Variants in PUDP observed in about 807,000 individuals in gnomAD.
PUDP encodes pseudouridine 5'-phosphatase.
A neutral mutation model predicts 9.4 loss-of-function variants in PUDP; 8 were observed. The observed-to-expected ratio is 0.85, with a 90% CI of 0.50 to 1.53. The LOEUF (loss-of-function observed/expected upper bound fraction) is 1.53. Ranked by LOEUF, PUDP falls within the 40% of genes most tolerant of loss-of-function variation. The pLI, the probability that PUDP is intolerant of heterozygous loss-of-function variation, is 0.00. For synonymous variants in PUDP, 99 were observed against 80.7 expected (o/e 1.23, Z -1.22); for missense variants, 188 against 189.7 (o/e 0.99, Z 0.05).
At chrX:6,916,927 T>C (rs1259043258) in intron 3 of PUDP, among the ~76,000 whole-genome samples, 1 of 112,357 alleles carries the variant, frequency 8.9e-6, no homozygotes, top group Non-Finnish European at 1.9e-5. Context: ...AATAAAATTA[T>C]CGTTTCTATA....
intron 3 of PUDP, among the ~76,000 whole-genome samples, chrX:7,062,459 A>G (rs772944003): frequency 8.9e-6 from 1 of 112,029 alleles, no homozygotes; most frequent in South Asian, 3.7e-4. Context: ...GTATGTAGCC[A>G]CTGGGAAATG....
intron 3 of PUDP, among the ~76,000 whole-genome samples, chrX:6,788,778 G>A (rs1309642312): frequency 8.9e-6 from 1 of 112,315 alleles, no homozygotes; most frequent in Non-Finnish European, 1.9e-5. Context: ...AAGTAAATAG[G>A]TATATTTTTA....
At chrX:6,948,519 G>A (rs1298313953) in intron 3 of PUDP, among the ~76,000 whole-genome samples, 1 of 111,976 alleles carries the variant, frequency 8.9e-6, no homozygotes, top group Non-Finnish European at 1.9e-5. Flanking sequence ...GGGGAGTTTT[G>A]TTAAAATTGT....
At chrX:6,918,469 A>C (rs930988771) in intron 3 of PUDP, among the ~76,000 whole-genome samples, 4 of 111,869 alleles carry the variant, frequency 3.6e-5, no homozygotes, top group African/African-American at 6.5e-5. Flanking sequence ...AAAAAAAAAA[A>C]CATAATTTAT....
At chrX:6,989,212 TTAAC>T (rs1273675583) in intron 1 of PUDP, 1 of 112,192 alleles carries the variant, frequency 8.9e-6, no homozygotes, top group Non-Finnish European at 1.9e-5. Context: ...GTGTAATTAT[TTAAC>T]TAACCACTGA....
chrX:6,952,785 A>T (rs1056469060), intron 3 of PUDP, among the ~76,000 whole-genome samples: 5 of 111,655 alleles, frequency 4.5e-5, no homozygotes, highest in African/African-American at 6.5e-5. Context: ...AGAAGGCACC[A>T]TTTATGAACC....
intron 3 of PUDP, among the ~76,000 whole-genome samples, chrX:6,829,440 C>T (rs1926472987): frequency 1.8e-5 from 2 of 111,403 alleles, no homozygotes; most frequent in South Asian, 3.8e-4. Context: ...GAGTATGTTT[C>T]GTTTTATAAG....
chrX:6,710,059 G>A (rs2146650436), intron 1 of PUDP, among the ~76,000 whole-genome samples: 1 of 112,056 alleles, frequency 8.9e-6, no homozygotes, highest in African/African-American at 3.2e-5. Flanking sequence ...GGAGGTGGAG[G>A]CTGCAGTGAG....
At chrX:6,871,203 C>T (rs1041132636) in intron 3 of PUDP, among the ~76,000 whole-genome samples, 5 of 111,466 alleles carry the variant, frequency 4.5e-5, no homozygotes, top group Admixed American at 2.9e-4. Flanking sequence ...CTCATGGAAT[C>T]AAGCTGAGGC....
chrX:7,138,653 G>A lies in PUDP; in HGVS notation c.61+9400C>T, dbSNP rs371969126. Among the ~76,000 whole-genome samples, 44 of 111,538 alleles carry A rather than the reference G, an allele frequency of 3.9e-4. 1 individual carries two copies. In the East Asian group the frequency reaches 5.1e-3, roughly 13 times the overall value. On this transcript the variant is annotated intron_variant, in intron 1 of 3. Transcript: ENST00000381077. ...CTCCCAAAGTGCTGGGATGATAGGC[G>A]TGAACCACTGTCCCCAGCCCCAGTC...
intron 3 of PUDP, among the ~76,000 whole-genome samples, chrX:6,965,994 T>C (rs1157042770): frequency 9.0e-6 from 1 of 110,777 alleles, no homozygotes; most frequent in Non-Finnish European, 1.9e-5. Context: ...ATTGAAACTG[T>C]ACCAGACAGG....
intron 1 of PUDP, among the ~76,000 whole-genome samples, chrX:7,015,493 A>T (rs1212247939): frequency 3.6e-5 from 4 of 111,839 alleles, no homozygotes; most frequent in Non-Finnish European, 7.5e-5. Flanking sequence ...AGGAAGGGCG[A>T]GAGGACCAAT....
At chrX:7,026,528 C>T (rs2090935310) in intron 1 of PUDP, among the ~76,000 whole-genome samples, 1 of 112,127 alleles carries the variant, frequency 8.9e-6, no homozygotes, top group Admixed American at 9.4e-5. Context: ...ATCCACCCAG[C>T]GTGCCTTTCT....
At chrX:6,892,116 A>G (rs897574560) in intron 3 of PUDP, among the ~76,000 whole-genome samples, 2 of 112,243 alleles carry the variant, frequency 1.8e-5, no homozygotes, top group Non-Finnish European at 3.8e-5. Context: ...TTTCAGATAA[A>G]CAACAAATGC....
chrX:6,850,119 A>G (rs1420131702), intron 3 of PUDP, among the ~76,000 whole-genome samples: 1 of 111,663 alleles, frequency 9.0e-6, no homozygotes, highest in Non-Finnish European at 1.9e-5. Flanking sequence ...AAATTAAAAA[A>G]AAAAAAGGAG....
At chrX:7,087,671 T>A (rs1180066866) in intron 2 of PUDP, among the ~76,000 whole-genome samples, 3 of 112,537 alleles carry the variant, frequency 2.7e-5, no homozygotes, top group African/African-American at 9.7e-5. Context: ...TTTCCTTTTT[T>A]GGCAAACATT....
intron 3 of PUDP, among the ~76,000 whole-genome samples, chrX:6,842,750 T>TTA (rs1406736907): frequency 8.9e-6 from 1 of 112,265 alleles, no homozygotes; most frequent in Non-Finnish European, 1.9e-5. Context: ...TGGCATTTCT[T>TTA]AATAGCTAGT....
intron 3 of PUDP, among the ~76,000 whole-genome samples, chrX:6,950,078 C>T (rs1388564122): frequency 3.6e-5 from 4 of 110,904 alleles, no homozygotes; most frequent in African/African-American, 1.3e-4. Flanking sequence ...CAGCTCACAC[C>T]TGTAATCTCA....
At chrX:7,026,340 T>C (rs912115706) in intron 1 of PUDP, among the ~76,000 whole-genome samples, 52 of 111,826 alleles carry the variant, frequency 4.7e-4, no homozygotes, top group African/African-American at 1.6e-3. Context: ...CCCTGCTGTC[T>C]CTTGGGCCTG....
Sources: allele counts gnomAD v4.1 joint callset (sites outside exome capture counted in the v4.1 genomes callset), GRCh38; gene constraint gnomAD v4.1.1; transcripts MANE v1.5; gene names NCBI Gene and HGNC (gene_info 2026-07-23, HGNC 2026-07-21).